The following BSN variants were observed in gnomAD, a reference collection of about 807,000 sequenced individuals.
BSN encodes protein bassoon.
Under a neutral mutation model 264.8 loss-of-function variants are expected in BSN, and 57 were observed. The observed-to-expected ratio is 0.22, with a 90% confidence interval of 0.17 to 0.27. BSN has a LOEUF of 0.27. Ranked by LOEUF, BSN falls within the 10% of genes least tolerant of loss-of-function variation. The pLI, the probability that BSN is intolerant of heterozygous loss-of-function variation, is 1.00. For missense variants in BSN, 4,615 were observed against 5,232.5 expected (o/e 0.88, Z 3.64); for synonymous variants, 2,059 against 2,137.3 (o/e 0.96, Z 1.01).
intron 2 of BSN, among the ~76,000 whole-genome samples, chr3:49,635,476 A>G (rs967871390): frequency 2.6e-5 from 4 of 152,154 alleles, no homozygotes; most frequent in Non-Finnish European, 5.9e-5. Flanking sequence ...CAGGTTGACA[A>G]GTCATTTTTA....
intron 1 of BSN, among the ~76,000 whole-genome samples, chr3:49,618,542 TAGCTC>T (rs1183957387): frequency 1.3e-5 from 2 of 152,242 alleles, no homozygotes; most frequent in African/African-American, 4.8e-5. Context: ...GCTTCCCAAT[TAGCTC>T]AGGTAGTTCA....
At chr3:49,599,911 A>G (rs545744634) in intron 1 of BSN, among the ~76,000 whole-genome samples, 105 of 152,312 alleles carry the variant, frequency 6.9e-4, no homozygotes, top group African/African-American at 2.4e-3. Flanking sequence ...CCAGTGGAGT[A>G]AAAAGAAGCA....
rs757057168 is a variant in BSN at position 49,650,905 on chromosome 3, T to C, written c.1812T>C (p.Ser604=). Reference sequence around the variant, plus strand: ...CTGAACCCAGCAAGACCCCAAGCAGTGTCCAGGAAAAGAAGACCCGAGTCC... The same window carrying C: ...CTGAACCCAGCAAGACCCCAAGCAGCGTCCAGGAAAAGAAGACCCGAGTCC... ...RASEPSKTPS[S]VQEKKTRVPT... The change falls in exon 4 of 12, where the codon AGT becomes AGC. Residue 604 remains serine (S), a synonymous_variant. Coordinates refer to ENST00000296452, the MANE Select transcript of BSN (RefSeq NM_003458.4). 1.5e-5 allele frequency: 24 copies of C among 1,613,940 alleles called. No homozygotes were observed. Among genetic ancestry groups the C allele is most frequent in the African/African-American group, 4.0e-5 (3 of 74,910 alleles).
At chr3:49,666,898 C>T (rs977710977) in intron 11 of BSN, among the ~76,000 whole-genome samples, 2 of 151,044 alleles carry the variant, frequency 1.3e-5, no homozygotes, top group East Asian at 1.9e-4. Context: ...CCTCCCACAG[C>T]GGGCTTCCTG....
At chr3:49,603,842 T>C (rs781481126) in intron 1 of BSN, among the ~76,000 whole-genome samples, 18 of 152,278 alleles carry the variant, frequency 1.2e-4, no homozygotes, top group Non-Finnish European at 2.6e-4. Flanking sequence ...AAGCAGTTGC[T>C]CCCCATTTTC....
intron 1 of BSN, among the ~76,000 whole-genome samples, chr3:49,564,585 T>A (rs2108001299): frequency 6.6e-6 from 1 of 152,026 alleles, no homozygotes; most frequent in African/African-American, 2.4e-5. Flanking sequence ...TGACCTGGAG[T>A]GGGGTGGCCA....
At position 49,638,949 on chromosome 3, in the gene BSN, T is replaced by C. The variant is rs912040683; in HGVS notation, c.634-3319T>C. 6.6e-6 allele frequency among the ~76,000 whole-genome samples: 1 copy of C among 152,138 alleles called. No homozygotes were observed. Among genetic ancestry groups the C allele is most frequent in the African/African-American group, 2.4e-5 (1 of 41,426 alleles). On this transcript the variant is annotated intron_variant, in intron 2 of 11. Transcript: ENST00000296452. The surrounding 1 kb of genome is among the most constrained non-coding windows in gnomAD (Gnocchi z 4.3). Reference sequence around the variant, plus strand: ...GGGCACCCACGGGAAGAACTGAATTTGTGGCTGCCACCCTGGGCCAGAGGC... The same window carrying C: ...GGGCACCCACGGGAAGAACTGAATTCGTGGCTGCCACCCTGGGCCAGAGGC...
chr3:49,595,173 G>A (rs2052012343), intron 1 of BSN, among the ~76,000 whole-genome samples: 2 of 150,080 alleles, frequency 1.3e-5, no homozygotes, highest in African/African-American at 2.5e-5. Context: ...ACAGGCGTGA[G>A]CCACTGCGCC....
chr3:49,668,736 C>T lies in BSN; in HGVS notation c.*1251C>T, dbSNP rs1227238420. On this transcript the variant is annotated 3_prime_UTR_variant, in exon 12 of 12. Coordinates refer to ENST00000296452, the MANE Select transcript of BSN (RefSeq NM_003458.4). Reference sequence around the variant, plus strand: ...CAGAGCCCTGTGCGGGGGAATGTGGCACTGTCTATCCATCCGGTGGACTGG... The same window carrying T: ...CAGAGCCCTGTGCGGGGGAATGTGGTACTGTCTATCCATCCGGTGGACTGG... 1 of 152,678 alleles carries T rather than the reference C, an allele frequency of 6.5e-6. No individual in the cohort carries two copies. Among genetic ancestry groups the T allele is most frequent in the Non-Finnish European group, 1.5e-5 (1 of 68,050 alleles). The allele number at this position is 152,678 out of a possible 1,614,324, so 9.5% of individuals were successfully genotyped here.
intron 2 of BSN, among the ~76,000 whole-genome samples, chr3:49,627,923 G>T (rs1162794835): frequency 1.3e-5 from 2 of 152,222 alleles, no homozygotes; most frequent in Non-Finnish European, 2.9e-5. Flanking sequence ...TGGGGATCCT[G>T]TGTGGGCTGG....
chr3:49,600,227 G>A (rs1256276608), intron 1 of BSN, among the ~76,000 whole-genome samples: 1 of 152,194 alleles, frequency 6.6e-6, no homozygotes, highest in Non-Finnish European at 1.5e-5. Context: ...GAAGAACCAG[G>A]CCTTGAGCCT....
chr3:49,630,301 CT>C (rs1235877092), intron 2 of BSN, among the ~76,000 whole-genome samples: 1 of 152,244 alleles, frequency 6.6e-6, no homozygotes, highest in Non-Finnish European at 1.5e-5. Context: ...CCTTCCAATG[CT>C]CACCTCCAAA....
intron 1 of BSN, among the ~76,000 whole-genome samples, chr3:49,590,843 T>C (rs2051972241): frequency 6.6e-6 from 1 of 152,038 alleles, no homozygotes; most frequent in Non-Finnish European, 1.5e-5. Context: ...CAGTGGCTCA[T>C]GCCTGTAATC....
Position 49,642,973 on chromosome 3 carries a change from G to A in BSN, c.1339G>A (p.Ala447Thr). The stretch of plus-strand genomic sequence containing the variant: ...AAAGCATGGCAGAGCAGAACATCAG[G>A]CAGCATCGAAGGCTGCTGCCAAGCC... ...SPKHGRAEHQAASKAAAKPKT... is the reference protein window; with the variant it reads ...SPKHGRAEHQTASKAAAKPKT... The change falls in exon 3 of 12, where the codon GCA becomes ACA. Residue 447 changes from alanine (A) to threonine (T), a missense_variant. Physicochemically the swap from Ala to Thr is moderately conservative, Grantham distance 58. Transcript: ENST00000296452. This position sits in a 1 kb window ranked among gnomAD's most constrained non-coding sequence, Gnocchi z 7.0. 6.2e-7 allele frequency: 1 copy of A among 1,614,058 alleles called. No individual in the cohort carries two copies. Among genetic ancestry groups the A allele is most frequent in the Non-Finnish European group, 8.5e-7 (1 of 1,180,038 alleles).
Position 49,656,492 on chromosome 3 carries a change from C to T in BSN, c.6936C>T (p.Pro2312=). The T allele has an allele frequency of 1.3e-6, 2 of 1,594,308 alleles. No homozygotes were observed. The highest frequency in any genetic ancestry group is 1.7e-6 in the Non-Finnish European group (2 of 1,168,552). The part of the protein sequence containing the change: ...PVGAAREEPL[P]TTTPAAIKEA... ...GGGCTGCACGGGAAGAGCCTCTTCC[C>T]ACAACCACCCCTGCTGCCATCAAGG... Residue 2312 remains proline, a synonymous_variant, in exon 5 of 12, where the codon CCC becomes CCT. Transcript: ENST00000296452.
intron 1 of BSN, among the ~76,000 whole-genome samples, chr3:49,601,026 G>T: frequency 6.6e-6 from 1 of 152,198 alleles, no homozygotes; most frequent in East Asian, 1.9e-4. Flanking sequence ...TGAGGAAGGA[G>T]TAGGTGAGGA....
rs568321341 is a variant in BSN at position 49,578,509 on chromosome 3, G to A, written c.224+23683G>A. On this transcript the variant is annotated intron_variant, in intron 1 of 11. Coordinates refer to ENST00000296452, the MANE Select transcript of BSN (RefSeq NM_003458.4). ...TGCAAGTTCCGCCTCCTGGGTTCAC[G>A]CCATTCTCCTGCCTCAGCCTCCCGA... is the stretch of plus-strand genomic sequence containing the variant. Among the ~76,000 whole-genome samples, 155 of 151,868 alleles carry A rather than the reference G, an allele frequency of 1.0e-3. 4 individuals carry two copies. The South Asian group carries it at 0.026, about 25-fold the overall frequency.
At position 49,657,699 on chromosome 3, in the gene BSN, A is replaced by G. The variant is rs1385341888; in HGVS notation, c.8143A>G (p.Ser2715Gly). Reference protein sequence around the residue: ...SAPEKTGRGESLACQTEPDGQ... With the variant: ...SAPEKTGRGEGLACQTEPDGQ... ...GCCAGAGAAGACTGGGCGTGGGGAG[A>G]GCCTGGCCTGCCAGACGGAGCCAGA... The change falls in exon 5 of 12, where the codon AGC (serine) becomes GGC (glycine). Residue 2715 changes from serine (S) to glycine (G), a missense_variant. Coordinates refer to ENST00000296452, the MANE Select transcript of BSN (RefSeq NM_003458.4). 3 of 1,554,734 alleles carry G rather than the reference A, an allele frequency of 1.9e-6. No homozygotes were observed. Among genetic ancestry groups the G allele is most frequent in the Non-Finnish European group, 2.6e-6 (3 of 1,147,062 alleles).
intron 2 of BSN, among the ~76,000 whole-genome samples, chr3:49,639,940 C>T (rs1184351157): frequency 6.6e-6 from 1 of 152,236 alleles, no homozygotes; most frequent in African/African-American, 2.4e-5. Context: ...GGCTGCTGCC[C>T]TTGGGTTGCT....
Sources: allele counts gnomAD v4.1 joint callset (sites outside exome capture counted in the v4.1 genomes callset), GRCh38; gene constraint gnomAD v4.1.1; non-coding constraint Gnocchi (gnomAD v3.1); transcripts MANE v1.5; gene names NCBI Gene and HGNC (gene_info 2026-07-23, HGNC 2026-07-21).